EYS: variants seen among roughly 807,000 people sequenced by gnomAD.
The protein encoded by EYS is protein eyes shut homolog.
A neutral mutation model predicts 282.1 loss-of-function variants in EYS; 250 were observed. The ratio of observed to expected loss-of-function variants is 0.89; its 90% CI spans 0.80 to 0.98. The LOEUF is 0.98. EYS is among the 50% of genes least tolerant of loss of function. The pLI is 0.00. For synonymous variants in EYS, 1,355 were observed against 1,282.9 expected, an observed-to-expected ratio of 1.06 and a Z score of -1.20; for missense variants, 4,016 against 3,709.0, an observed-to-expected ratio of 1.08 and a Z score of -2.15.
chr6:64,511,983 C>T (rs1379921920), intron 26 of EYS, among the ~76,000 whole-genome samples: 2 of 152,042 alleles, frequency 1.3e-5, no homozygotes. Flanking sequence ...ATAGTTCCTG[C>T]TAATTGTTCT....
intron 30 of EYS, among the ~76,000 whole-genome samples, chr6:64,295,146 G>T (rs555435067): frequency 6.6e-6 from 1 of 150,888 alleles, no homozygotes; most frequent in Non-Finnish European, 1.5e-5. Context: ...AGGCCGAAGC[G>T]GGGGGATCAC....
chr6:64,371,798 T>C (rs976771817), intron 29 of EYS, among the ~76,000 whole-genome samples: 3 of 152,172 alleles, frequency 2.0e-5, no homozygotes, highest in Non-Finnish European at 2.9e-5. Context: ...AAATCCTTGT[T>C]GGTTTAAAAT....
At chr6:65,147,256 G>A (rs2150212640) in intron 12 of EYS, among the ~76,000 whole-genome samples, 1 of 152,032 alleles carries the variant, frequency 6.6e-6, no homozygotes, top group African/African-American at 2.4e-5. Flanking sequence ...CCAAATATAT[G>A]TTCTCCATTT....
At chr6:63,836,865 C>A (rs1189628062) in intron 36 of EYS, among the ~76,000 whole-genome samples, 1 of 152,032 alleles carries the variant, frequency 6.6e-6, no homozygotes, top group African/African-American at 2.4e-5. Context: ...ATGTAAAAAT[C>A]ATACACCTAA....
intron 2 of EYS, among the ~76,000 whole-genome samples, chr6:65,587,038 AT>A (rs1343507010): frequency 6.6e-6 from 1 of 152,004 alleles, no homozygotes; most frequent in Non-Finnish European, 1.5e-5. Flanking sequence ...CAAATATAAA[AT>A]ATCTTGAAGT....
intron 30 of EYS, among the ~76,000 whole-genome samples, chr6:64,248,965 A>G (rs1039584173): frequency 6.7e-6 from 1 of 150,294 alleles, no homozygotes; most frequent in Non-Finnish European, 1.5e-5. Context: ...CTGAGACATG[A>G]GAATAGCTTG....
At chr6:63,970,887 C>A (rs1766538145) in intron 35 of EYS, among the ~76,000 whole-genome samples, 2 of 152,092 alleles carry the variant, frequency 1.3e-5, no homozygotes, top group Non-Finnish European at 2.9e-5. Context: ...ATGACTCCTG[C>A]AAATACAATA....
At chr6:64,351,960 G>A (rs1055795425) in intron 29 of EYS, among the ~76,000 whole-genome samples, 3 of 151,368 alleles carry the variant, frequency 2.0e-5, no homozygotes, top group African/African-American at 4.8e-5. Context: ...TAAAATGTAG[G>A]AGCCCCATTT....
chr6:65,602,474 C>T (rs1765647468), intron 2 of EYS, among the ~76,000 whole-genome samples: 1 of 151,888 alleles, frequency 6.6e-6, no homozygotes, highest in Non-Finnish European at 1.5e-5. Context: ...AATGTTTTCT[C>T]CACATGCATC....
chr6:63,827,571 G>A (rs986963848), intron 36 of EYS, among the ~76,000 whole-genome samples: 6 of 152,140 alleles, frequency 3.9e-5, no homozygotes, highest in East Asian at 1.9e-4. Context: ...TCGGCCGGGC[G>A]CGGTGGCTCA....
At chr6:64,646,452 T>C (rs953557371) in intron 22 of EYS, among the ~76,000 whole-genome samples, 8 of 147,958 alleles carry the variant, frequency 5.4e-5, no homozygotes, top group African/African-American at 1.7e-4. Context: ...TATTCTCATA[T>C]TATAAGTACA....
At chr6:64,458,004 T>C (rs1250602414) in intron 26 of EYS, among the ~76,000 whole-genome samples, 2 of 151,982 alleles carry the variant, frequency 1.3e-5, no homozygotes, top group Non-Finnish European at 2.9e-5. Context: ...AATTTTGTAG[T>C]TATAATAGAT....
chr6:64,022,789 A>G (rs554573402), intron 33 of EYS, among the ~76,000 whole-genome samples: 1 of 152,174 alleles, frequency 6.6e-6, no homozygotes, highest in Non-Finnish European at 1.5e-5. Context: ...GCTCCCCAAA[A>G]CTAGTGCCAA....
In EYS at chr6:65,344,073, AATT is replaced by A. The variant is rs747069281; in HGVS notation, c.1561_1563del (p.Asn521del). On this transcript the variant is annotated inframe_deletion, in exon 10 of 43. Coordinates refer to ENST00000503581, the MANE Select transcript of EYS (RefSeq NM_001142800.2). ...CCTTCATGTGGGAACCAACATGAAG[AATT>A]ATTATCTTCAGGATCGTTCACATAG... 1.7e-5 allele frequency: 27 copies of A among 1,610,792 alleles called. No homozygotes were observed. The African/African-American group carries it at 1.7e-4, about 10-fold the overall frequency.
At chr6:64,285,498 T>G (rs757703169) in intron 30 of EYS, among the ~76,000 whole-genome samples, 33 of 152,330 alleles carry the variant, frequency 2.2e-4, no homozygotes, top group Admixed American at 5.9e-4. Context: ...GTCAAAGCCA[T>G]TCAAGTGTCT....
At position 63,937,542 on chromosome 6, in the gene EYS, G is replaced by A. The variant is rs573504578; in HGVS notation, c.7055+46841C>T. ...ACTACAGGCGCCCGCCACCACGACC[G>A]GTTAATTTTTTTGTATTTTTAGTAG... On this transcript the variant is annotated intron_variant, in intron 35 of 42. Transcript: ENST00000503581. 6.0e-5 allele frequency among the ~76,000 whole-genome samples: 9 copies of A among 150,524 alleles called. No homozygotes were observed. In the East Asian group the frequency reaches 1.4e-3, roughly 23 times the overall value.
intron 29 of EYS, among the ~76,000 whole-genome samples, chr6:64,337,330 C>A (rs923167080): frequency 5.3e-5 from 8 of 151,910 alleles, no homozygotes; most frequent in Non-Finnish European, 8.8e-5. Flanking sequence ...TACAAAAGAT[C>A]ATTCAAGGCT....
intron 18 of EYS, among the ~76,000 whole-genome samples, chr6:64,887,212 T>C (rs1767121691): frequency 7.4e-6 from 1 of 134,830 alleles, no homozygotes; most frequent in Non-Finnish European, 1.5e-5. Context: ...TTCTCACTCA[T>C]AGGTGGGAAG....
Position 65,539,165 on chromosome 6 carries a change from C to T in EYS, c.-332-43172G>A, listed in dbSNP as rs955750514. ...TAATTCTGCTTCTCCAGTCTTGTAG[C>T]TGGTGCACAAAAATATGCATCATTG... On this transcript the variant is annotated intron_variant, in intron 2 of 42. Transcript: ENST00000503581. 2.0e-5 allele frequency among the ~76,000 whole-genome samples: 3 copies of T among 152,172 alleles called. No homozygotes were observed. In the East Asian group the frequency reaches 5.8e-4, roughly 29 times the overall value.
Sources: gnomAD v4.1 joint callset for allele counts (sites outside exome capture counted in the v4.1 genomes callset) on GRCh38, gnomAD v4.1.1 for gene constraint, MANE v1.5 for transcripts, NCBI Gene and HGNC (gene_info 2026-07-23, HGNC 2026-07-21) for gene names.